The following STXBP5L variants were observed in gnomAD, a reference collection of about 807,000 sequenced individuals.
STXBP5L encodes syntaxin-binding protein 5-like.
STXBP5L carries 65 observed loss-of-function variants against 144.5 expected under a neutral mutation model. The ratio of observed to expected loss-of-function variants is 0.45; its 90% CI spans 0.37 to 0.55. The LOEUF (loss-of-function observed/expected upper bound fraction) is 0.55, where lower values mean the gene tolerates loss of function less well. STXBP5L is among the 20% of genes least tolerant of loss of function. The probability of loss-of-function intolerance (pLI) is 0.00; values close to 1 mark genes in which losing one functional copy is unlikely to be tolerated. For missense variants in STXBP5L, 1,298 were observed against 1,405.5 expected (o/e 0.92, Z 1.22); for synonymous variants, 505 against 469.6 (o/e 1.08, Z -0.97).
At chr3:121,108,445 G>A (rs745564660) in intron 5 of STXBP5L, among the ~76,000 whole-genome samples, 2 of 152,090 alleles carry the variant, frequency 1.3e-5, no homozygotes, top group Non-Finnish European at 2.9e-5. Context: ...TTTATAAAAG[G>A]CCTTTTCTAC....
chr3:121,096,795 G>C (rs1020777947), intron 5 of STXBP5L, among the ~76,000 whole-genome samples: 15 of 152,198 alleles, frequency 9.9e-5, no homozygotes, highest in Admixed American at 9.2e-4. Flanking sequence ...CTACTGGGAG[G>C]TGTCTCCCAT....
chr3:121,136,141 G>T (rs1337160509), intron 7 of STXBP5L, among the ~76,000 whole-genome samples: 1 of 152,182 alleles, frequency 6.6e-6, no homozygotes, highest in Non-Finnish European at 1.5e-5. Context: ...TATAAGTTCA[G>T]CAACCAGAAG....
intron 5 of STXBP5L, among the ~76,000 whole-genome samples, chr3:121,106,675 G>C (rs1338964744): frequency 6.6e-6 from 1 of 151,972 alleles, no homozygotes; most frequent in African/African-American, 2.4e-5. Flanking sequence ...CCATGTCTTT[G>C]GTATAATGAA....
At position 121,314,532 on chromosome 3, in the gene STXBP5L, C is replaced by G. The variant is rs1285102977; in HGVS notation, c.2111-3943C>G. Among the ~76,000 whole-genome samples, 11 of 143,752 alleles carry G rather than the reference C, an allele frequency of 7.7e-5. No individual in the cohort carries two copies. In the East Asian group the frequency reaches 2.3e-3, roughly 30 times the overall value. The allele number at this position is 143,752 out of a possible 152,430, so 94.3% of individuals were successfully genotyped here. A position where few individuals can be genotyped will look rare whatever the true frequency, so the allele number is the denominator to read the frequency against. On this transcript the variant is annotated intron_variant, in intron 19 of 26. Transcript: ENST00000471454. Reference sequence around the variant, plus strand: ...ATCAGGCAGGGAGGTTGCAGTGAGCCGAGATGGCAGCAGTACCGTCCAGCT... The same window carrying G: ...ATCAGGCAGGGAGGTTGCAGTGAGCGGAGATGGCAGCAGTACCGTCCAGCT...
At chr3:121,127,790 T>A (rs1368766390) in intron 7 of STXBP5L, among the ~76,000 whole-genome samples, 1 of 151,998 alleles carries the variant, frequency 6.6e-6, no homozygotes, top group Non-Finnish European at 1.5e-5. Context: ...GAGAATATTG[T>A]AAACCCCAGC....
intron 5 of STXBP5L, among the ~76,000 whole-genome samples, chr3:121,101,701 T>G (rs1261622696): frequency 2.0e-5 from 3 of 151,966 alleles, no homozygotes; most frequent in East Asian, 3.9e-4. Context: ...CTCAACATTC[T>G]TATTCAACAT....
At chr3:121,273,915 T>C (rs961221069) in intron 18 of STXBP5L, among the ~76,000 whole-genome samples, 1 of 152,162 alleles carries the variant, frequency 6.6e-6, no homozygotes, top group Non-Finnish European at 1.5e-5. Context: ...TGTTGAACTT[T>C]AAATTTTATT....
At chr3:121,306,065 T>A (rs144053330) in intron 19 of STXBP5L, among the ~76,000 whole-genome samples, 2 of 152,334 alleles carry the variant, frequency 1.3e-5, no homozygotes, top group Admixed American at 1.3e-4. Context: ...TATCATAGAC[T>A]TATTCCTGAG....
intron 5 of STXBP5L, among the ~76,000 whole-genome samples, chr3:121,113,310 TTAAAG>T (rs1220710268): frequency 1.3e-5 from 2 of 152,200 alleles, no homozygotes; most frequent in East Asian, 3.8e-4. Context: ...TTAGTCCTCT[TTAAAG>T]TAAGTTTCCT....
intron 9 of STXBP5L, among the ~76,000 whole-genome samples, chr3:121,200,266 G>T (rs1054164910): frequency 1.3e-5 from 2 of 152,158 alleles, no homozygotes; most frequent in South Asian, 2.1e-4. Context: ...TAGTTTATTT[G>T]CATAGAGGTG....
intron 5 of STXBP5L, among the ~76,000 whole-genome samples, chr3:121,070,098 G>A (rs1201905714): frequency 1.3e-5 from 2 of 152,188 alleles, no homozygotes; most frequent in East Asian, 3.8e-4. Flanking sequence ...AAAAGGTTCA[G>A]GAAAGTTTAT....
chr3:121,066,419 G>T (rs535548950), intron 5 of STXBP5L, among the ~76,000 whole-genome samples: 34 of 150,924 alleles, frequency 2.3e-4, no homozygotes, highest in Middle Eastern at 6.9e-3. Context: ...AATCATGAAT[G>T]GGTGTTGAAT....
chr3:121,384,765 T>C (rs1023500205), intron 22 of STXBP5L, among the ~76,000 whole-genome samples: 14 of 152,052 alleles, frequency 9.2e-5, no homozygotes, highest in African/African-American at 3.1e-4. Context: ...ATTTTATAAT[T>C]GTAAAAATCA....
intron 22 of STXBP5L, among the ~76,000 whole-genome samples, chr3:121,396,624 T>C (rs1047778821): frequency 6.6e-6 from 1 of 152,246 alleles, no homozygotes; most frequent in Non-Finnish European, 1.5e-5. Context: ...ATGAAGAATG[T>C]ACCATTTGGT....
Position 121,419,157 on chromosome 3 carries a change from C to T in STXBP5L, c.*60C>T, listed in dbSNP as rs2047307896. On this transcript the variant is annotated 3_prime_UTR_variant, in exon 27 of 27. Coordinates refer to ENST00000471454, the MANE Select transcript of STXBP5L (RefSeq NM_001308330.2). ...TATTCAGGGAAACCAAATTTATTCC[C>T]AGCATCACTACTCAACTGCTAGAAG... The T allele has an allele frequency of 6.5e-7, 1 of 1,532,404 alleles. No individual in the cohort carries two copies. Among genetic ancestry groups the T allele is most frequent in the African/African-American group, 1.4e-5 (1 of 72,254 alleles). The allele number at this position is 1,532,404 out of a possible 1,614,324, so 94.9% of individuals were successfully genotyped here.
chr3:120,975,133 C>T (rs920830389), intron 3 of STXBP5L, among the ~76,000 whole-genome samples: 10 of 152,128 alleles, frequency 6.6e-5, no homozygotes, highest in African/African-American at 2.4e-4. Context: ...TTACCTTGGG[C>T]AGTGTGGCCA....
intron 10 of STXBP5L, among the ~76,000 whole-genome samples, chr3:121,214,841 GT>G (rs952172065): frequency 4.0e-5 from 6 of 151,508 alleles, no homozygotes; most frequent in South Asian, 2.1e-4. Flanking sequence ...GGGAGTCTAA[GT>G]TTTTTTTTGT....
intron 3 of STXBP5L, among the ~76,000 whole-genome samples, chr3:121,024,834 T>C (rs577355745): frequency 6.6e-6 from 1 of 152,266 alleles, no homozygotes; most frequent in East Asian, 1.9e-4. Flanking sequence ...ACAAAAATAG[T>C]GCATAAAGCT....
rs549447705 is a variant in STXBP5L, at chr3:121,367,315, C to T, written c.2177-11401C>T. ...ACTCCTTTGCACATTTCTTACAGGG[C>T]GGATCTGGTGGTAACAATCTCCCTT... On this transcript the variant is annotated intron_variant, in intron 20 of 26. Coordinates refer to ENST00000471454, the MANE Select transcript of STXBP5L (RefSeq NM_001308330.2). Among the ~76,000 whole-genome samples, 362 of 152,164 alleles carry T rather than the reference C, an allele frequency of 2.4e-3. 2 individuals carry two copies. The highest frequency in any genetic ancestry group is 3.9e-3 in the Non-Finnish European group (267 of 67,986).
Sources: allele counts gnomAD v4.1 joint callset (sites outside exome capture counted in the v4.1 genomes callset), GRCh38; gene constraint gnomAD v4.1.1; transcripts MANE v1.5; gene names NCBI Gene and HGNC (gene_info 2026-07-23, HGNC 2026-07-21).